DCAF6: variants seen among roughly 807,000 people sequenced by gnomAD.
DCAF6 encodes DDB1 and CUL4 associated factor 6, also known as DDB1- and CUL4-associated factor 6.
In DCAF6, 54 loss-of-function variants were observed where a neutral mutation model predicts 125.1. The observed-to-expected ratio is 0.43, with a 90% CI of 0.35 to 0.54. The LOEUF (loss-of-function observed/expected upper bound fraction) is 0.54, where lower values mean the gene tolerates loss of function less well. Among genes scored for constraint, DCAF6 ranks in the 20% least tolerant of loss-of-function variants. The pLI, the probability that DCAF6 is intolerant of heterozygous loss-of-function variation, is 0.01. For synonymous variants in DCAF6, 371 were observed against 390.4 expected (o/e 0.95, Z 0.58); for missense variants, 934 against 1,161.7 (o/e 0.80, Z 2.85).
chr1:168,001,629 A>G (rs1441371133), intron 7 of DCAF6, among the ~76,000 whole-genome samples: 1 of 152,166 alleles, frequency 6.6e-6, no homozygotes, highest in African/African-American at 2.4e-5. Flanking sequence ...GATTTTATGA[A>G]GTTGAAATAT....
chr1:167,936,741 C>G lies in DCAF6; in HGVS notation c.-171C>G, dbSNP rs968212656. The stretch of plus-strand genomic sequence containing the variant: ...AGGCGAGCTCCGGCCCGGGTGCGGC[C>G]GGGCTTCAGGGGCCCAGGCGCCGCT... On this transcript the variant is annotated 5_prime_UTR_variant, in exon 1 of 22. Transcript: ENST00000367840. The G allele has an allele frequency of 1.2e-5, 7 of 606,482 alleles. 1 individual carries two copies. In the Admixed American group the frequency reaches 1.5e-4, roughly 13 times the overall value. The allele number at this position is 606,482 out of a possible 1,614,324, so 37.6% of individuals were successfully genotyped here.
intron 1 of DCAF6, among the ~76,000 whole-genome samples, chr1:167,950,726 G>A (rs1673796914): frequency 1.3e-5 from 2 of 152,108 alleles, no homozygotes; most frequent in Admixed American, 6.5e-5. Flanking sequence ...GTTCTTTGTT[G>A]TAAATTCAGC....
the DCAF6 span, chr1:167,883,434 T>TA: frequency 3.7e-6 from 6 of 1,614,172 alleles, no homozygotes; most frequent in African/African-American, 8.0e-5. Flanking sequence ...AGTTCACACT[T>TA]ACCTTGTCAA....
At chr1:167,924,745 G>T in the DCAF6 span, among the ~76,000 whole-genome samples, 2,318 of 152,108 alleles carry the variant, frequency 0.015, 55 homozygotes, top group African/African-American at 0.051. Context: ...AATAACACAG[G>T]TTTGAACTGA....
Position 168,011,208 on chromosome 1 carries a change from C to G in DCAF6, c.1379-4573C>G, listed in dbSNP as rs530068449. On this transcript the variant is annotated intron_variant, in intron 10 of 21. Coordinates refer to ENST00000367840, the MANE Select transcript of DCAF6 (RefSeq NM_001198956.2). ...CTCGGCTCACTGCAACCTCTGCCCC[C>G]GGGTTCAAGTGATTCCCCTGCCTCA... is the stretch of plus-strand genomic sequence containing the variant. 3.3e-5 allele frequency among the ~76,000 whole-genome samples: 5 copies of G among 151,394 alleles called. No homozygotes were observed. The East Asian group carries it at 7.8e-4, about 23-fold the overall frequency.
chr1:167,937,750 T>G (rs1471700114), intron 1 of DCAF6, among the ~76,000 whole-genome samples: 2 of 152,212 alleles, frequency 1.3e-5, no homozygotes, highest in South Asian at 2.1e-4. Context: ...CATAACATTT[T>G]TTTTTTGAGG....
chr1:167,941,416 A>T (rs1172889012), intron 1 of DCAF6, among the ~76,000 whole-genome samples: 1 of 152,204 alleles, frequency 6.6e-6, no homozygotes, highest in Non-Finnish European at 1.5e-5. Flanking sequence ...CATGGAGCTT[A>T]TGTTACAAGT....
At chr1:167,990,184 T>A (rs894034472) in intron 5 of DCAF6, among the ~76,000 whole-genome samples, 5 of 152,088 alleles carry the variant, frequency 3.3e-5, no homozygotes, top group African/African-American at 1.2e-4. Flanking sequence ...GGCAACATAG[T>A]GAGACCCTAT....
At chr1:167,940,247 C>T (rs911793535) in intron 1 of DCAF6, among the ~76,000 whole-genome samples, 19 of 152,206 alleles carry the variant, frequency 1.2e-4, no homozygotes, top group African/African-American at 4.3e-4. Context: ...CTTAGAGCTC[C>T]CAAATCCACA....
intron 11 of DCAF6, among the ~76,000 whole-genome samples, chr1:168,022,198 T>C (rs1391481233): frequency 6.6e-6 from 1 of 152,188 alleles, no homozygotes; most frequent in Non-Finnish European, 1.5e-5. Context: ...TTATGCTGCC[T>C]GCCTTAATAC....
At chr1:167,904,291 T>C in the DCAF6 span, among the ~76,000 whole-genome samples, 2 of 152,106 alleles carry the variant, frequency 1.3e-5, no homozygotes, top group African/African-American at 2.4e-5. Flanking sequence ...TTTCACCATG[T>C]TAGCCAGGAT....
chr1:167,992,829 C>T (rs1381416128), intron 6 of DCAF6, among the ~76,000 whole-genome samples: 1 of 152,144 alleles, frequency 6.6e-6, no homozygotes, highest in East Asian at 1.9e-4. Context: ...AAGGATATTG[C>T]ATACGTTGCA....
intron 20 of DCAF6, among the ~76,000 whole-genome samples, chr1:168,066,858 T>C (rs1692409126): frequency 6.6e-6 from 1 of 152,176 alleles, no homozygotes. Context: ...ATTTTTCCAT[T>C]TTGAGTTTTT....
At chr1:168,046,247 ATC>A (rs927982373) in intron 16 of DCAF6, among the ~76,000 whole-genome samples, 9 of 152,164 alleles carry the variant, frequency 5.9e-5, no homozygotes, top group Admixed American at 5.9e-4. Context: ...TTTTAAAAAA[ATC>A]TATCAGTCAA....
At chr1:167,986,778 G>A (rs984031982) in intron 4 of DCAF6, among the ~76,000 whole-genome samples, 13 of 152,110 alleles carry the variant, frequency 8.5e-5, no homozygotes, top group African/African-American at 2.2e-4. Context: ...AACAGGCTAC[G>A]GACCAGTACT....
chr1:168,027,745 A>T (rs1318504987), intron 12 of DCAF6, among the ~76,000 whole-genome samples: 3 of 151,934 alleles, frequency 2.0e-5, no homozygotes, highest in Non-Finnish European at 2.9e-5. Context: ...TACTGAAGAA[A>T]TTTTTTTCTT....
the DCAF6 span, among the ~76,000 whole-genome samples, chr1:167,911,242 A>G: frequency 1.3e-5 from 2 of 152,202 alleles, no homozygotes; most frequent in African/African-American, 4.8e-5. Flanking sequence ...CTCTTCAAAG[A>G]CTTTCCTCCC....
At chr1:167,902,027 A>C in the DCAF6 span, 1 of 1,613,606 alleles carries the variant, frequency 6.2e-7, no homozygotes. Flanking sequence ...TGCAAATTTC[A>C]GGATGTCTCC....
chr1:167,907,980 C>A, the DCAF6 span, among the ~76,000 whole-genome samples: 1 of 152,076 alleles, frequency 6.6e-6, no homozygotes, highest in African/African-American at 2.4e-5. Flanking sequence ...ATTGAAAGTA[C>A]GGCCATTATG....
Sources: gnomAD v4.1 joint callset for allele counts (sites outside exome capture counted in the v4.1 genomes callset) on GRCh38, gnomAD v4.1.1 for gene constraint, MANE v1.5 for transcripts, NCBI Gene and HGNC (gene_info 2026-07-23, HGNC 2026-07-21) for gene names.